The following RDH12 variants were observed in gnomAD, a reference collection of about 807,000 sequenced individuals.
The protein encoded by RDH12 is retinol dehydrogenase 12.
RDH12 carries 21 observed loss-of-function variants against 34.0 expected under a neutral mutation model. The observed-to-expected ratio is 0.62, with a 90% CI of 0.44 to 0.89. The LOEUF (loss-of-function observed/expected upper bound fraction) is 0.89. RDH12 is among the 40% of genes least tolerant of loss of function. RDH12 has a pLI of 0.00. For missense variants in RDH12, 394 were observed against 398.6 expected, an observed-to-expected ratio of 0.99 and a Z score of 0.10; for synonymous variants, 198 against 169.9, an observed-to-expected ratio of 1.17 and a Z score of -1.29.
chr14:67,731,178 A>G, intron 8 of RDH12, among the ~76,000 whole-genome samples: 1 of 149,120 alleles, frequency 6.7e-6, no homozygotes, highest in African/African-American at 2.5e-5. Context: ...GTGGCTCACA[A>G]TTGTGTTTCT....
At chr14:67,718,719 T>C (rs1555193) in intron 1 of RDH12, among the ~76,000 whole-genome samples, 20,198 of 152,212 alleles carry the variant, frequency 0.13, 1,377 homozygotes, top group East Asian at 0.21. Flanking sequence ...CTGTCCCAGA[T>C]TGAAAATCCC....
At chr14:67,707,718 A>G (rs1371518819) in intron 1 of RDH12, among the ~76,000 whole-genome samples, 1 of 152,246 alleles carries the variant, frequency 6.6e-6, no homozygotes, top group Non-Finnish European at 1.5e-5. Flanking sequence ...AGAATCTCAG[A>G]TAAGACTTCT....
intron 1 of RDH12, chr14:67,714,494 G>A (rs1000503664): frequency 1.3e-5 from 2 of 152,690 alleles, no homozygotes; most frequent in Non-Finnish European, 2.9e-5. Context: ...TTATTAAAAA[G>A]AGTTCCCTAG....
At chr14:67,717,420 A>C (rs182298726) in intron 1 of RDH12, among the ~76,000 whole-genome samples, 1 of 152,380 alleles carries the variant, frequency 6.6e-6, no homozygotes, top group Non-Finnish European at 1.5e-5. Context: ...GATGGCCAGC[A>C]TCCTAGGCCC....
chr14:67,727,402 G>C (rs2038201170), intron 7 of RDH12: 1 of 535,228 alleles, frequency 1.9e-6, no homozygotes, highest in Non-Finnish European at 3.4e-6. Flanking sequence ...AAGTTACCTT[G>C]TATTTGTGTC....
Position 67,733,744 on chromosome 14 carries a change from A to G in RDH12, c.849-2A>G, listed in dbSNP as rs1430095773. The G allele has an allele frequency of 1.2e-6, 2 of 1,608,192 alleles. No individual in the cohort carries two copies. The highest frequency in any genetic ancestry group is 1.7e-5 in the Admixed American group (1 of 59,956). On this transcript the variant is annotated splice_acceptor_variant, in intron 8 of 8. Coordinates refer to ENST00000551171, the MANE Select transcript of RDH12 (RefSeq NM_152443.3). LOFTEE classifies it high-confidence loss of function. The stretch of plus-strand genomic sequence containing the variant: ...AATTTACTGTCTTTCTCTGCCCTCC[A>G]GTGACTGCAAGAGGACCTGGGTGTC...
chr14:67,714,379 C>A (rs1185811659), intron 1 of RDH12, among the ~76,000 whole-genome samples: 1 of 152,116 alleles, frequency 6.6e-6, no homozygotes, highest in East Asian at 1.9e-4. Context: ...TCAATAAATC[C>A]TCCTGCCTTG....
chr14:67,732,536 C>CAAAAA lies in RDH12; in HGVS notation c.849-1200_849-1196dup, dbSNP rs11408156. Among the ~76,000 whole-genome samples the CAAAAA allele has an allele frequency of 3.2e-3, 414 of 130,110 alleles. 5 individuals are homozygous for CAAAAA. The highest frequency in any genetic ancestry group is 0.016 in the South Asian group (65 of 4,114). 85.4% of individuals were successfully genotyped at this position (130,110 alleles called of 152,430 possible). A position where few individuals can be genotyped will look rare whatever the true frequency, so the allele number is the denominator to read the frequency against. On this transcript the variant is annotated intron_variant, in intron 8 of 8. Transcript: ENST00000551171. ...TATCTCTATTTATATCCAAACAAAG[C>CAAAAA]AAAAAAAAAAAAAAGACTGTACAGA...
rs1226058086 is a variant in RDH12 at position 67,725,257 on chromosome 14, G to A, written c.343+3G>A. Reference sequence around the variant, plus strand: ...CTTTGCTGAGGGCTTTCTGGCAGGTGAGGTCCTGATGGGTAGGTAGAAAAG... The same window carrying A: ...CTTTGCTGAGGGCTTTCTGGCAGGTAAGGTCCTGATGGGTAGGTAGAAAAG... On this transcript the variant is annotated splice_donor_region_variant and intron_variant, in intron 5 of 8. Coordinates refer to ENST00000551171, the MANE Select transcript of RDH12 (RefSeq NM_152443.3). 1 of 1,612,956 alleles carries A rather than the reference G, an allele frequency of 6.2e-7. No individual in the cohort carries two copies. The highest frequency in any genetic ancestry group is 1.1e-5 in the South Asian group (1 of 91,010).
chr14:67,733,738 C>T lies in RDH12; in HGVS notation c.849-8C>T. On this transcript the variant is annotated splice_polypyrimidine_tract_variant and splice_region_variant and intron_variant, in intron 8 of 8. Coordinates refer to ENST00000551171, the MANE Select transcript of RDH12 (RefSeq NM_152443.3). ...TCCTGGAATTTACTGTCTTTCTCTG[C>T]CCTCCAGTGACTGCAAGAGGACCTG... 1 of 1,593,688 alleles carries T rather than the reference C, an allele frequency of 6.3e-7. No individual in the cohort carries two copies. Among genetic ancestry groups the T allele is most frequent in the Non-Finnish European group, 8.6e-7 (1 of 1,161,882 alleles).
chr14:67,733,828 C>G lies in RDH12; in HGVS notation c.931C>G (p.Leu311Val). ...ERLWNVSCELLGIRWE is the reference protein window; with the variant it reads ...ERLWNVSCELVGIRWE ...CCTATGGAATGTCAGCTGTGAGCTT[C>G]TAGGAATCCGGTGGGAGTAGCTGGT... The change falls in exon 9 of 9, where the codon CTA (leucine) becomes GTA (valine). Residue 311 changes from leucine to valine, a missense_variant. Transcript: ENST00000551171. 6.2e-7 allele frequency: 1 copy of G among 1,612,906 alleles called. No homozygotes were observed.
intron 5 of RDH12, 42 bp downstream of exon 5, chr14:67,725,296 A>G (rs1039213889): frequency 6.2e-7 from 1 of 1,606,094 alleles, no homozygotes; most frequent in Non-Finnish European, 8.5e-7. Flanking sequence ...GAAATTGGGT[A>G]TGGGAGTGGC....
chr14:67,712,659 A>G (rs917004888), intron 1 of RDH12, among the ~76,000 whole-genome samples: 1 of 152,178 alleles, frequency 6.6e-6, no homozygotes. Context: ...TCTCATTACT[A>G]TATTTCATCT....
At chr14:67,712,493 C>CA (rs79758974) in intron 1 of RDH12, among the ~76,000 whole-genome samples, 8,430 of 37,542 alleles carry the variant, frequency 0.22, 1,388 homozygotes, top group Non-Finnish European at 0.35. Flanking sequence ...AAAAAACTTG[C>CA]AAAAAAAAAA....
Position 67,722,460 on chromosome 14 carries a change from T to C in RDH12, c.-183T>C, listed in dbSNP as rs1023358941. ...CCAGCAGGCTGTGCTCTGACAGCTC[T>C]TGGATTTAAATAGGATTCTGGGCTC... On this transcript the variant is annotated 5_prime_UTR_variant, in exon 3 of 9. Coordinates refer to ENST00000551171, the MANE Select transcript of RDH12 (RefSeq NM_152443.3). 5.8e-6 allele frequency: 4 copies of C among 695,246 alleles called. No individual in the cohort carries two copies. The highest frequency in any genetic ancestry group is 1.1e-5 in the Non-Finnish European group (4 of 379,624). 43.1% of individuals were successfully genotyped at this position (695,246 alleles called of 1,614,324 possible). A position where few individuals can be genotyped will look rare whatever the true frequency, so the allele number is the denominator to read the frequency against.
At position 67,733,895 on chromosome 14, in the gene RDH12, G is replaced by A. The variant is rs568783082; in HGVS notation, c.*47G>A. ...TATCAGGCCCAATCCATGCCATAAT[G>A]AACAGGGACCAAGGAGAAGGCCAAC... On this transcript the variant is annotated 3_prime_UTR_variant, in exon 9 of 9. Transcript: ENST00000551171. 1 of 1,422,016 alleles carries A rather than the reference G, an allele frequency of 7.0e-7. No homozygotes were observed. Among genetic ancestry groups the A allele is most frequent in the South Asian group, 1.2e-5 (1 of 86,610 alleles). 88.1% of individuals were successfully genotyped at this position (1,422,016 alleles called of 1,614,324 possible).
chr14:67,729,444 GCTGTTCA>G, intron 8 of RDH12, 64 bp downstream of exon 8: 2 of 1,514,300 alleles, frequency 1.3e-6, no homozygotes, highest in Non-Finnish European at 1.8e-6. Context: ...GACTCGCTGG[GCTGTTCA>G]TCCTGAGAAG....
At chr14:67,705,172 AT>A (rs905617907) in intron 1 of RDH12, among the ~76,000 whole-genome samples, 1 of 152,228 alleles carries the variant, frequency 6.6e-6, no homozygotes, top group African/African-American at 2.4e-5. Context: ...GAATGATTTT[AT>A]AAGAAAGTTT....
At chr14:67,718,004 C>A (rs1456275607) in intron 1 of RDH12, 1 of 152,110 alleles carries the variant, frequency 6.6e-6, no homozygotes, top group Non-Finnish European at 1.5e-5. Context: ...AATTCTTTTT[C>A]TTTGAGAAAG....
Sources: allele counts gnomAD v4.1 joint callset (sites outside exome capture counted in the v4.1 genomes callset), GRCh38; gene constraint gnomAD v4.1.1; transcripts MANE v1.5; gene names NCBI Gene and HGNC (gene_info 2026-07-23, HGNC 2026-07-21).